NAT1: variants seen among roughly 807,000 people sequenced by gnomAD.
The protein encoded by NAT1 is N-acetyltransferase 1, also known as arylamine N-acetyltransferase 1.
For missense variants in NAT1, 400 were observed against 339.2 expected, an observed-to-expected ratio of 1.18 and a Z score of -1.41; for synonymous variants, 144 against 122.6, an observed-to-expected ratio of 1.17 and a Z score of -1.16.
rs1162315885 is a variant in NAT1, at chr8:18,222,855, A to G, written c.808A>G (p.Ile270Val). 5.0e-6 allele frequency: 8 copies of G among 1,599,724 alleles called. No homozygotes were observed. Among genetic ancestry groups the G allele is most frequent in the East Asian group, 4.5e-5 (2 of 44,816 alleles). ...EEEIEKVLKN[I>V]FNISLQRKLV... ...AGAAATAGAAAAAGTGCTGAAAAAT[A>G]TATTTAATATTTCCTTGCAGAGAAA... The change falls in exon 3 of 3, where the codon ATA becomes GTA. Residue 270 changes from isoleucine (I) to valine (V), a missense_variant. Transcript: ENST00000307719.
chr8:18,183,227 A>G (rs1351050465), intron 2 of NAT1, among the ~76,000 whole-genome samples: 1 of 152,132 alleles, frequency 6.6e-6, no homozygotes. Context: ...ATCCATTCAT[A>G]AGTGCTCTGC....
At chr8:18,195,682 C>T (rs761552149) in intron 2 of NAT1, among the ~76,000 whole-genome samples, 4 of 152,102 alleles carry the variant, frequency 2.6e-5, no homozygotes, top group Admixed American at 1.3e-4. Context: ...AAGCACCACA[C>T]GATCCCACTA....
chr8:18,183,061 T>C (rs1390344428), intron 2 of NAT1, among the ~76,000 whole-genome samples: 1 of 152,180 alleles, frequency 6.6e-6, no homozygotes, highest in African/African-American at 2.4e-5. Context: ...GAGTAATTTA[T>C]AAACAGAAAT....
chr8:18,206,127 G>A (rs1266176538), upstream of NAT1, among the ~76,000 whole-genome samples: 2 of 152,192 alleles, frequency 1.3e-5, no homozygotes, highest in Admixed American at 6.5e-5. Flanking sequence ...GTCTATGGTG[G>A]CTGAAGGGTC....
At chr8:18,177,984 T>C (rs1376828638) in intron 2 of NAT1, among the ~76,000 whole-genome samples, 2 of 152,146 alleles carry the variant, frequency 1.3e-5, no homozygotes, top group African/African-American at 4.8e-5. Flanking sequence ...GAGTCAGCTA[T>C]TAACTTTCTC....
chr8:18,181,581 G>C (rs539720637), intron 2 of NAT1, among the ~76,000 whole-genome samples: 2 of 152,160 alleles, frequency 1.3e-5, no homozygotes, highest in East Asian at 1.9e-4. Flanking sequence ...TGATTACTCT[G>C]GCTACAACTT....
intron 2 of NAT1, among the ~76,000 whole-genome samples, chr8:18,192,353 C>T (rs147412111): frequency 1.1e-3 from 165 of 152,208 alleles, no homozygotes; most frequent in African/African-American, 3.5e-3. Context: ...GGTGCTGGAG[C>T]GGATGGGGAG....
intron 2 of NAT1, among the ~76,000 whole-genome samples, chr8:18,172,875 C>G (rs1318524132): frequency 6.6e-6 from 1 of 152,108 alleles, no homozygotes; most frequent in Non-Finnish European, 1.5e-5. Context: ...GCTTCAAGGT[C>G]ACCTGCCAGG....
At chr8:18,188,920 G>A (rs1045859085) in intron 2 of NAT1, among the ~76,000 whole-genome samples, 8 of 147,916 alleles carry the variant, frequency 5.4e-5, no homozygotes, top group Admixed American at 2.7e-4. Flanking sequence ...ACTTGAACCC[G>A]AGAGGTGGAG....
chr8:18,171,182 T>C (rs1349299633), intron 2 of NAT1, among the ~76,000 whole-genome samples: 1 of 152,204 alleles, frequency 6.6e-6, no homozygotes, highest in Non-Finnish European at 1.5e-5. Context: ...AACTGGGCTC[T>C]GTAGATAGGT....
chr8:18,193,477 T>A (rs1174418260), intron 2 of NAT1, among the ~76,000 whole-genome samples: 1 of 142,406 alleles, frequency 7.0e-6, no homozygotes, highest in Non-Finnish European at 1.5e-5. Context: ...TTTATATATA[T>A]ATGTATATAA....
At position 18,174,252 on chromosome 8, in the gene NAT1, A is replaced by C. The variant is rs187659447; in HGVS notation, n.92+3513A>C. ...TGAGGCAAGGCTGTTCAGTGACTGGACTTATATCCACCATCACTGATTACA... is the reference window on the plus strand; with the variant it reads ...TGAGGCAAGGCTGTTCAGTGACTGGCCTTATATCCACCATCACTGATTACA... On this transcript the variant is annotated intron_variant and non_coding_transcript_variant, in intron 2 of 4. Coordinates refer to the NAT1 transcript ENST00000517441. 4.9e-4 allele frequency among the ~76,000 whole-genome samples: 75 copies of C among 152,230 alleles called. 1 individual carries two copies. In the East Asian group the frequency reaches 0.014, roughly 28 times the overall value.
intron 2 of NAT1, among the ~76,000 whole-genome samples, chr8:18,192,734 G>C (rs1004462492): frequency 2.0e-5 from 3 of 151,520 alleles, no homozygotes; most frequent in African/African-American, 7.3e-5. Context: ...GTAAACTATC[G>C]CAAGGACAAA....
intron 2 of NAT1, among the ~76,000 whole-genome samples, chr8:18,185,622 T>C (rs1802702813): frequency 6.6e-6 from 1 of 152,150 alleles, no homozygotes; most frequent in Non-Finnish European, 1.5e-5. Flanking sequence ...AATGTTGTTG[T>C]TTTCTTTTTC....
At chr8:18,214,367 T>G (rs1804421436) in intron 1 of NAT1, among the ~76,000 whole-genome samples, 1 of 152,212 alleles carries the variant, frequency 6.6e-6, no homozygotes, top group Admixed American at 6.5e-5. Flanking sequence ...ATATTCATGT[T>G]GCCTTTATGA....
At chr8:18,175,810 T>C (rs1802274479) in intron 2 of NAT1, among the ~76,000 whole-genome samples, 1 of 152,122 alleles carries the variant, frequency 6.6e-6, no homozygotes, top group South Asian at 2.1e-4. Flanking sequence ...AAAATGACTG[T>C]ACTAATTTAT....
At chr8:18,180,717 A>G (rs186480182) in intron 2 of NAT1, among the ~76,000 whole-genome samples, 98 of 152,312 alleles carry the variant, frequency 6.4e-4, no homozygotes, top group African/African-American at 2.3e-3. Flanking sequence ...AAATACCCTT[A>G]TTTGGTCATT....
At chr8:18,205,427 C>T (rs1312196175), upstream of NAT1, among the ~76,000 whole-genome samples, 1 of 152,104 alleles carries the variant, frequency 6.6e-6, no homozygotes. Flanking sequence ...TTGTTCGGGG[C>T]AGGTGAGGAT....
At chr8:18,175,821 G>GT (rs1442481458) in intron 2 of NAT1, among the ~76,000 whole-genome samples, 2 of 152,132 alleles carry the variant, frequency 1.3e-5, no homozygotes, top group African/African-American at 4.8e-5. Flanking sequence ...ACTAATTTAT[G>GT]TTCCCAACAG....
Sources: gnomAD v4.1 joint callset for allele counts (sites outside exome capture counted in the v4.1 genomes callset) on GRCh38, gnomAD v4.1.1 for gene constraint, MANE v1.5 for transcripts, NCBI Gene and HGNC (gene_info 2026-07-23, HGNC 2026-07-21) for gene names.